UNC5C: variants seen among roughly 807,000 people sequenced by gnomAD.
UNC5C encodes unc-5 netrin receptor C, also known as netrin receptor UNC5C.
A neutral mutation model predicts 99.8 loss-of-function variants in UNC5C; 47 were observed. That is an observed-to-expected ratio of 0.47 (90% confidence interval 0.37 to 0.60). UNC5C has a LOEUF of 0.60. Among genes scored for constraint, UNC5C ranks in the 20% least tolerant of loss-of-function variants. The probability of loss-of-function intolerance (pLI) is 0.00; values close to 1 mark genes in which losing one functional copy is unlikely to be tolerated. For synonymous variants in UNC5C, 487 were observed against 452.2 expected (o/e 1.08, Z -0.98); for missense variants, 1,062 against 1,165.9 (o/e 0.91, Z 1.30).
rs573706665 is a variant in UNC5C at position 95,335,756 on chromosome 4, G to A, written c.125-125C>T. The A allele has an allele frequency of 1.1e-5, 8 of 714,144 alleles. No individual in the cohort carries two copies. In the South Asian group the frequency reaches 1.2e-4, roughly 11 times the overall value. 44.2% of individuals were successfully genotyped at this position (714,144 alleles called of 1,614,324 possible). A position where few individuals can be genotyped will look rare whatever the true frequency, so the allele number is the denominator to read the frequency against. ...TAAGTGATTTGAATGCCTGCTGTGT[G>A]CCAGGCTGTATGTTAGATCTATTGA... On this transcript the variant is annotated intron_variant, in intron 1 of 15. Coordinates refer to ENST00000453304, the MANE Select transcript of UNC5C (RefSeq NM_003728.4).
intron 1 of UNC5C, among the ~76,000 whole-genome samples, chr4:95,481,092 T>G (rs1005472062): frequency 2.6e-5 from 4 of 151,450 alleles, no homozygotes; most frequent in African/African-American, 9.7e-5. Context: ...GATGACATGA[T>G]TGTATATCTA....
intron 1 of UNC5C, among the ~76,000 whole-genome samples, chr4:95,350,551 A>G (rs543441409): frequency 2.6e-5 from 4 of 152,216 alleles, no homozygotes; most frequent in Non-Finnish European, 4.4e-5. Flanking sequence ...ACCCTGTACT[A>G]GTATTGTGAA....
intron 1 of UNC5C, among the ~76,000 whole-genome samples, chr4:95,528,704 C>G (rs1057016212): frequency 6.6e-5 from 10 of 152,038 alleles, no homozygotes; most frequent in Admixed American, 5.9e-4. Flanking sequence ...TAGAGAGCGA[C>G]TCAAGAAATT....
In UNC5C at chr4:95,332,908, A is replaced by G. The variant is rs1198154089; in HGVS notation, c.346+2502T>C. 2.0e-5 allele frequency among the ~76,000 whole-genome samples: 3 copies of G among 152,206 alleles called. No individual in the cohort carries two copies. In the East Asian group the frequency reaches 5.8e-4, roughly 29 times the overall value. ...AAACAACCCCATCAAAAAGTGGGCAAAGGACATGAACAGACACCTCTCAAA... is the reference window on the plus strand; with the variant it reads ...AAACAACCCCATCAAAAAGTGGGCAGAGGACATGAACAGACACCTCTCAAA... On this transcript the variant is annotated intron_variant, in intron 2 of 15. Transcript: ENST00000453304.
chr4:95,393,461 A>G (rs1745417936), intron 1 of UNC5C, among the ~76,000 whole-genome samples: 1 of 152,182 alleles, frequency 6.6e-6, no homozygotes, highest in Admixed American at 6.5e-5. Context: ...ATGTGTGATA[A>G]GCCCACTGGA....
chr4:95,192,343 T>TC (rs1737172775), intron 12 of UNC5C, among the ~76,000 whole-genome samples: 1 of 70,710 alleles, frequency 1.4e-5, no homozygotes, highest in African/African-American at 5.8e-5. Flanking sequence ...CTGCTCACCT[T>TC]CTCCCCTGCT....
intron 11 of UNC5C, among the ~76,000 whole-genome samples, chr4:95,204,824 A>T (rs1466444396): frequency 2.0e-5 from 3 of 152,236 alleles, no homozygotes; most frequent in African/African-American, 7.2e-5. Context: ...CTACACAAAG[A>T]TGTGAAAGGT....
At chr4:95,419,928 A>T (rs1746271230) in intron 1 of UNC5C, among the ~76,000 whole-genome samples, 1 of 152,164 alleles carries the variant, frequency 6.6e-6, no homozygotes, top group Non-Finnish European at 1.5e-5. Flanking sequence ...AATAGACAGG[A>T]TGGATATTTT....
At chr4:95,269,843 G>A (rs1740592031) in intron 4 of UNC5C, among the ~76,000 whole-genome samples, 1 of 152,004 alleles carries the variant, frequency 6.6e-6, no homozygotes, top group Non-Finnish European at 1.5e-5. Flanking sequence ...CTCCCAAGTA[G>A]CTAGGATTAC....
At chr4:95,397,623 A>G (rs1745553068) in intron 1 of UNC5C, among the ~76,000 whole-genome samples, 1 of 152,206 alleles carries the variant, frequency 6.6e-6, no homozygotes. Context: ...AAACTTACAT[A>G]ACTCTTTTTA....
intron 1 of UNC5C, among the ~76,000 whole-genome samples, chr4:95,540,940 T>C (rs1051549909): frequency 1.3e-5 from 2 of 152,212 alleles, no homozygotes; most frequent in Admixed American, 6.5e-5. Context: ...ATAAAAGTTA[T>C]GGAATACCAC....
chr4:95,480,560 C>T (rs1721107186), intron 1 of UNC5C, among the ~76,000 whole-genome samples: 1 of 151,798 alleles, frequency 6.6e-6, no homozygotes, highest in South Asian at 2.1e-4. Context: ...AAAAAAGGAG[C>T]ATATTAAGAT....
chr4:95,250,775 C>T (rs1036131619), intron 4 of UNC5C, 108 bp from the exon 5 acceptor site: 17 of 1,105,556 alleles, frequency 1.5e-5, no homozygotes, highest in Admixed American at 4.5e-5. Context: ...GGCCGAGAAG[C>T]GATACCTGTG....
At chr4:95,485,588 T>C (rs1457379055) in intron 1 of UNC5C, among the ~76,000 whole-genome samples, 5 of 151,812 alleles carry the variant, frequency 3.3e-5, no homozygotes, top group Non-Finnish European at 7.4e-5. Flanking sequence ...ATATTTGCTC[T>C]GTGCATTTAA....
At chr4:95,546,913 C>T (rs1256509542) in intron 1 of UNC5C, among the ~76,000 whole-genome samples, 2 of 152,142 alleles carry the variant, frequency 1.3e-5, no homozygotes, top group Non-Finnish European at 2.9e-5. Flanking sequence ...CCAAACAGTT[C>T]TCTCACCGTG....
intron 1 of UNC5C, among the ~76,000 whole-genome samples, chr4:95,532,793 T>A (rs934574472): frequency 6.6e-6 from 1 of 152,020 alleles, no homozygotes; most frequent in Non-Finnish European, 1.5e-5. Context: ...TTGGGAGGGT[T>A]CATGGTCCGG....
intron 2 of UNC5C, among the ~76,000 whole-genome samples, chr4:95,309,011 C>T (rs1742169141): frequency 6.6e-6 from 1 of 152,084 alleles, no homozygotes. Flanking sequence ...CTGGAGGCAT[C>T]ACACTACTTG....
chr4:95,192,335 G>T (rs1363551527), intron 12 of UNC5C, among the ~76,000 whole-genome samples: 13 of 61,368 alleles, frequency 2.1e-4, no homozygotes, highest in East Asian at 4.8e-4. Context: ...CTCCTCCCCT[G>T]CTCACCTTCT....
intron 1 of UNC5C, among the ~76,000 whole-genome samples, chr4:95,396,057 A>C (rs1398244493): frequency 1.3e-5 from 2 of 152,212 alleles, no homozygotes; most frequent in Non-Finnish European, 2.9e-5. Flanking sequence ...CCGGCAGGCT[A>C]TCATTAACAG....
Sources: gnomAD v4.1 joint callset for allele counts (sites outside exome capture counted in the v4.1 genomes callset) on GRCh38, gnomAD v4.1.1 for gene constraint, MANE v1.5 for transcripts, NCBI Gene and HGNC (gene_info 2026-07-23, HGNC 2026-07-21) for gene names.